MARCHF1: variants seen among roughly 807,000 people sequenced by gnomAD.
MARCHF1 encodes the protein E3 ubiquitin-protein ligase MARCHF1.
MARCHF1 carries 40 observed loss-of-function variants against 54.2 expected under a neutral mutation model. The ratio of observed to expected loss-of-function variants is 0.74; its 90% CI spans 0.57 to 0.96. The LOEUF (loss-of-function observed/expected upper bound fraction) is 0.96, where lower values mean the gene tolerates loss of function less well. Ranked by LOEUF, MARCHF1 falls within the 40% of genes least tolerant of loss-of-function variation. The pLI, the probability that MARCHF1 is intolerant of heterozygous loss-of-function variation, is 0.00. For synonymous variants in MARCHF1, 236 were observed against 236.3 expected, an observed-to-expected ratio of 1.00 and a Z score of 0.01; for missense variants, 586 against 656.5, an observed-to-expected ratio of 0.89 and a Z score of 1.17.
At chr4:164,006,923 A>G (rs1375132059) in intron 2 of MARCHF1, among the ~76,000 whole-genome samples, 1 of 146,090 alleles carries the variant, frequency 6.8e-6, no homozygotes, top group African/African-American at 2.5e-5. Context: ...CAAATAATCA[A>G]AAGCTGAGAT....
chr4:164,106,462 T>C (rs1023765318), intron 2 of MARCHF1, among the ~76,000 whole-genome samples: 1 of 115,618 alleles, frequency 8.6e-6, no homozygotes, highest in African/African-American at 3.8e-5. Flanking sequence ...TCATGTCCTT[T>C]GTAGGGACAT....
At position 164,208,400 on chromosome 4, in the gene MARCHF1, C is replaced by A. The variant is rs537739880; in HGVS notation, c.-322-96738G>T. 3.3e-5 allele frequency among the ~76,000 whole-genome samples: 5 copies of A among 152,286 alleles called. No homozygotes were observed. The South Asian group carries it at 1.0e-3, about 32-fold the overall frequency. On this transcript the variant is annotated intron_variant, in intron 1 of 9. Coordinates refer to ENST00000514618, the MANE Select transcript of MARCHF1 (RefSeq NM_001394959.1). ...TGGGAAGTATGAGCTTTATTTAATG[C>A]ACAGCCGTAAGCATCTAAAGTGAGT... is the stretch of plus-strand genomic sequence containing the variant.
At chr4:163,654,395 T>A (rs1743069098) in intron 5 of MARCHF1, among the ~76,000 whole-genome samples, 1 of 151,636 alleles carries the variant, frequency 6.6e-6, no homozygotes, top group Non-Finnish European at 1.5e-5. Flanking sequence ...AGTTGAGAGA[T>A]TGTAAAACCT....
chr4:163,691,542 C>G (rs1314507685), intron 5 of MARCHF1, among the ~76,000 whole-genome samples: 2 of 152,146 alleles, frequency 1.3e-5, no homozygotes, highest in African/African-American at 4.8e-5. Flanking sequence ...CTACCCAGAG[C>G]AGCATAAGTG....
At chr4:164,150,401 C>T (rs1729898540) in intron 1 of MARCHF1, among the ~76,000 whole-genome samples, 2 of 152,170 alleles carry the variant, frequency 1.3e-5, no homozygotes, top group African/African-American at 2.4e-5. Flanking sequence ...CTCTTTGAGA[C>T]TTGTGTGTCT....
At chr4:163,654,073 G>C (rs903689884) in intron 5 of MARCHF1, among the ~76,000 whole-genome samples, 11 of 151,644 alleles carry the variant, frequency 7.3e-5, no homozygotes, top group Admixed American at 3.3e-4. Context: ...AGTCAACAGT[G>C]TGAGGCCTTA....
At chr4:163,730,212 T>A (rs889954004) in intron 4 of MARCHF1, among the ~76,000 whole-genome samples, 2 of 152,180 alleles carry the variant, frequency 1.3e-5, no homozygotes, top group African/African-American at 4.8e-5. Flanking sequence ...GTTATTGTAC[T>A]TTTCATCTAC....
At chr4:164,315,263 A>G (rs1734967508) in intron 1 of MARCHF1, among the ~76,000 whole-genome samples, 1 of 151,200 alleles carries the variant, frequency 6.6e-6, no homozygotes, top group Non-Finnish European at 1.5e-5. Context: ...AATTCCACAG[A>G]CCCTTAACTT....
intron 4 of MARCHF1, among the ~76,000 whole-genome samples, chr4:163,830,516 C>A (rs1748988660): frequency 6.6e-6 from 1 of 152,102 alleles, no homozygotes; most frequent in Non-Finnish European, 1.5e-5. Context: ...CACTGGCTCA[C>A]TCATTCTCTA....
At chr4:164,137,319 T>C (rs1169483584) in intron 1 of MARCHF1, among the ~76,000 whole-genome samples, 5 of 152,160 alleles carry the variant, frequency 3.3e-5, no homozygotes, top group Non-Finnish European at 7.4e-5. Flanking sequence ...AGACTGAAAC[T>C]CCAGAATATG....
intron 1 of MARCHF1, among the ~76,000 whole-genome samples, chr4:164,150,360 G>A (rs1453775238): frequency 1.3e-5 from 2 of 152,122 alleles, no homozygotes; most frequent in Non-Finnish European, 2.9e-5. Flanking sequence ...TAACCACAGG[G>A]ATTGTACCAA....
At chr4:164,141,070 T>C (rs1442549487) in intron 1 of MARCHF1, among the ~76,000 whole-genome samples, 2 of 152,208 alleles carry the variant, frequency 1.3e-5, no homozygotes, top group African/African-American at 4.8e-5. Context: ...TGAAATTGAC[T>C]TCTAACAGTA....
rs1560940558 is a variant in MARCHF1 at position 164,176,972 on chromosome 4, CTCTCTCTCTAT to C, written c.-322-65321_-322-65311del. Among the ~76,000 whole-genome samples the C allele has an allele frequency of 9.5e-4, 54 of 56,822 alleles. 7 individuals are homozygous for C. The highest frequency in any genetic ancestry group is 7.7e-3 in the Middle Eastern group (1 of 130). The allele number at this position is 56,822 out of a possible 152,430, so 37.3% of individuals were successfully genotyped here. A position where few individuals can be genotyped will look rare whatever the true frequency, so the allele number is the denominator to read the frequency against. ...TCTCTCTCTCTCTCTCTCTCTCTCT[CTCTCTCTCTAT>C]ATATATATATATATATATATATATA... On this transcript the variant is annotated intron_variant, in intron 1 of 9. Transcript: ENST00000514618.
intron 1 of MARCHF1, among the ~76,000 whole-genome samples, chr4:164,315,032 A>T (rs1424487388): frequency 1.3e-5 from 2 of 152,172 alleles, no homozygotes; most frequent in African/African-American, 4.8e-5. Context: ...TACATTAGCA[A>T]AACAGAGAAG....
intron 3 of MARCHF1, among the ~76,000 whole-genome samples, chr4:163,942,975 G>A (rs758127843): frequency 6.7e-6 from 1 of 148,500 alleles, no homozygotes; most frequent in East Asian, 1.9e-4. Context: ...GTTTTTTGTT[G>A]TTGTTGGCCG....
At position 163,679,101 on chromosome 4, in the gene MARCHF1, G is replaced by T. The variant is rs542419093; in HGVS notation, c.162+21712C>A. On this transcript the variant is annotated intron_variant, in intron 5 of 9. Transcript: ENST00000514618. ...CCATAAATCATTATGTGTAGTATTTGGCTCTCAAAACATCCAAATCCGTTG... is the reference window on the plus strand; with the variant it reads ...CCATAAATCATTATGTGTAGTATTTTGCTCTCAAAACATCCAAATCCGTTG... Among the ~76,000 whole-genome samples, 34 of 152,282 alleles carry T rather than the reference G, an allele frequency of 2.2e-4. No homozygotes were observed. In the South Asian group the frequency reaches 6.8e-3, roughly 31 times the overall value.
At chr4:164,261,223 C>T (rs2111276370) in intron 1 of MARCHF1, among the ~76,000 whole-genome samples, 2 of 152,216 alleles carry the variant, frequency 1.3e-5, no homozygotes, top group African/African-American at 4.8e-5. Context: ...AATTGTGAGG[C>T]AATAAATTTC....
chr4:163,717,457 A>T (rs1745300794), intron 4 of MARCHF1, among the ~76,000 whole-genome samples: 1 of 151,832 alleles, frequency 6.6e-6, no homozygotes, highest in South Asian at 2.1e-4. Flanking sequence ...CAATAAACAG[A>T]TGTGTGTGTG....
rs376949394 is a variant in MARCHF1, at chr4:163,816,422, CTT to C, written c.111+37597_111+37598del. The stretch of plus-strand genomic sequence containing the variant: ...ATAGTATTCAAGTTCAACTAAAACT[CTT>C]TACCTTCATACATACAAGGGGAATC... On this transcript the variant is annotated intron_variant, in intron 4 of 9. Coordinates refer to ENST00000514618, the MANE Select transcript of MARCHF1 (RefSeq NM_001394959.1). Among the ~76,000 whole-genome samples, 90 of 151,562 alleles carry C rather than the reference CTT, an allele frequency of 5.9e-4. No homozygotes were observed. In the East Asian group the frequency reaches 0.011, roughly 18 times the overall value.
Sources: allele counts gnomAD v4.1 joint callset (sites outside exome capture counted in the v4.1 genomes callset), GRCh38; gene constraint gnomAD v4.1.1; transcripts MANE v1.5; gene names NCBI Gene and HGNC (gene_info 2026-07-23, HGNC 2026-07-21).